Variants in MYO1E observed in about 807,000 individuals in gnomAD.
MYO1E encodes myosin IE, also known as unconventional myosin-Ie.
A neutral mutation model predicts 151.1 loss-of-function variants in MYO1E; 68 were observed. The ratio of observed to expected loss-of-function variants is 0.45; its 90% CI spans 0.37 to 0.55. The LOEUF (loss-of-function observed/expected upper bound fraction) is 0.55. MYO1E is among the 20% of genes least tolerant of loss of function. The probability of loss-of-function intolerance (pLI) is 0.00; values close to 1 mark genes in which losing one functional copy is unlikely to be tolerated. For missense variants in MYO1E, 1,363 were observed against 1,389.3 expected, an observed-to-expected ratio of 0.98 and a Z score of 0.30; for synonymous variants, 601 against 501.7, an observed-to-expected ratio of 1.20 and a Z score of -2.64.
intron 4 of MYO1E, among the ~76,000 whole-genome samples, chr15:59,254,984 C>A (rs1166114307): frequency 6.6e-6 from 1 of 152,144 alleles, no homozygotes; most frequent in Admixed American, 6.6e-5. Context: ...TACCACCACA[C>A]CTGGCTAATT....
intron 4 of MYO1E, among the ~76,000 whole-genome samples, chr15:59,239,223 TA>T (rs11292357): frequency 0.045 from 3,983 of 88,486 alleles, 141 homozygotes; most frequent in African/African-American, 0.17. Context: ...TATATATATA[TA>T]TTTTTTTTAT....
chr15:59,256,856 G>A (rs1319682244), intron 3 of MYO1E, among the ~76,000 whole-genome samples: 2 of 152,168 alleles, frequency 1.3e-5, no homozygotes, highest in East Asian at 3.8e-4. Flanking sequence ...AGATTCTGGG[G>A]CCTCAGAGGG....
At chr15:59,207,504 A>G in intron 14 of MYO1E, 1 of 1,614,024 alleles carries the variant, frequency 6.2e-7, no homozygotes, top group Non-Finnish European at 8.5e-7. Context: ...TTTCCAATCC[A>G]GTGGATATCT....
chr15:59,229,675 T>C (rs2080013885), intron 6 of MYO1E, among the ~76,000 whole-genome samples: 1 of 145,012 alleles, frequency 6.9e-6, no homozygotes, highest in African/African-American at 2.4e-5. Flanking sequence ...TCGTAATACA[T>C]TCTTTAACTT....
intron 15 of MYO1E, 135 bp from the exon 16 acceptor site, chr15:59,202,542 A>G: frequency 1.3e-6 from 1 of 753,836 alleles, no homozygotes; most frequent in Non-Finnish European, 2.3e-6. Context: ...TCTGACTCAC[A>G]GCGCGGGCCA....
At chr15:59,266,055 CAT>C (rs754915638) in intron 2 of MYO1E, among the ~76,000 whole-genome samples, 5 of 152,158 alleles carry the variant, frequency 3.3e-5, no homozygotes, top group Non-Finnish European at 7.4e-5. Flanking sequence ...AGAAAATAAA[CAT>C]ATCGTAGTTA....
intron 1 of MYO1E, among the ~76,000 whole-genome samples, chr15:59,320,181 G>T (rs534036782): frequency 7.2e-5 from 11 of 152,000 alleles, no homozygotes; most frequent in Non-Finnish European, 1.6e-4. Flanking sequence ...TGACACAAAC[G>T]AATGGAAAAA....
rs192955192 is a variant in MYO1E at position 59,207,570 on chromosome 15, C to T, written c.1530+1111G>A. ...TTCCCAAAAACCGTATTATTGGAAG[C>T]GGCTGTAATCTGGATACTGCTCGTT... On this transcript the variant is annotated intron_variant, in intron 14 of 27. Transcript: ENST00000288235. 39 of 1,614,018 alleles carry T rather than the reference C, an allele frequency of 2.4e-5. No individual in the cohort carries two copies. The Middle Eastern group carries it at 1.8e-3, about 75-fold the overall frequency.
At chr15:59,169,946 A>G (rs573985050) in intron 22 of MYO1E, among the ~76,000 whole-genome samples, 1 of 152,216 alleles carries the variant, frequency 6.6e-6, no homozygotes, top group African/African-American at 2.4e-5. Flanking sequence ...GATCACTTGA[A>G]GTCGGGAGTT....
chr15:59,334,461 CAT>C (rs143347657), intron 1 of MYO1E, among the ~76,000 whole-genome samples: 3,710 of 134,776 alleles, frequency 0.028, 91 homozygotes, highest in South Asian at 0.063. Flanking sequence ...ACTTTGTACG[CAT>C]ATGTTGTTTT....
intron 3 of MYO1E, among the ~76,000 whole-genome samples, chr15:59,258,072 G>A (rs1333686591): frequency 6.6e-6 from 1 of 152,106 alleles, no homozygotes; most frequent in Non-Finnish European, 1.5e-5. Context: ...AGTGAGGGCT[G>A]GCCCTGGCTC....
chr15:59,352,103 A>G (rs2080826747), intron 1 of MYO1E, among the ~76,000 whole-genome samples: 1 of 152,218 alleles, frequency 6.6e-6, no homozygotes, highest in African/African-American at 2.4e-5. Flanking sequence ...AGGTTTTCCA[A>G]GCATGCTGTC....
At chr15:59,362,891 A>G (rs1451590891) in intron 1 of MYO1E, among the ~76,000 whole-genome samples, 1 of 152,076 alleles carries the variant, frequency 6.6e-6, no homozygotes, top group Non-Finnish European at 1.5e-5. Context: ...GAATTAAACA[A>G]CTAAATCTCT....
At chr15:59,233,798 A>G (rs1198745476) in intron 5 of MYO1E, among the ~76,000 whole-genome samples, 1 of 151,524 alleles carries the variant, frequency 6.6e-6, no homozygotes, top group Non-Finnish European at 1.5e-5. Flanking sequence ...CCTAGGTTCT[A>G]TAGCTGCCCT....
intron 15 of MYO1E, among the ~76,000 whole-genome samples, chr15:59,203,911 C>T (rs2079817359): frequency 1.3e-5 from 2 of 152,128 alleles, no homozygotes; most frequent in Admixed American, 1.3e-4. Flanking sequence ...ACTTTTTGGG[C>T]ATCTTGAATT....
intron 26 of MYO1E, among the ~76,000 whole-genome samples, chr15:59,142,420 G>T (rs1247132367): frequency 2.0e-5 from 3 of 152,166 alleles, no homozygotes; most frequent in Non-Finnish European, 2.9e-5. Context: ...AAGACGGATG[G>T]CTCCTGAGAG....
At chr15:59,318,262 G>C (rs2080601811) in intron 1 of MYO1E, among the ~76,000 whole-genome samples, 1 of 152,196 alleles carries the variant, frequency 6.6e-6, no homozygotes, top group South Asian at 2.1e-4. Flanking sequence ...AGAAGAGGCA[G>C]ACATGGAGGT....
At chr15:59,229,784 T>C (rs1005744481) in intron 6 of MYO1E, among the ~76,000 whole-genome samples, 1 of 152,238 alleles carries the variant, frequency 6.6e-6, no homozygotes, top group Non-Finnish European at 1.5e-5. Flanking sequence ...CTGATGCCAC[T>C]TCTTCATTCT....
chr15:59,174,376 A>G (rs749672767), intron 19 of MYO1E, 136 bp from the exon 20 acceptor site: 17 of 714,708 alleles, frequency 2.4e-5, no homozygotes, highest in Non-Finnish European at 4.3e-5. Context: ...TCATGAACGA[A>G]TATGTGAAAC....
Sources: allele counts gnomAD v4.1 joint callset (sites outside exome capture counted in the v4.1 genomes callset), GRCh38; gene constraint gnomAD v4.1.1; transcripts MANE v1.5; gene names NCBI Gene and HGNC (gene_info 2026-07-23, HGNC 2026-07-21).